The following CEBPZ variants were observed in gnomAD, a reference collection of about 807,000 sequenced individuals.
CEBPZ encodes the protein CCAAT/enhancer-binding protein zeta.
CEBPZ carries 78 observed loss-of-function variants against 104.5 expected under a neutral mutation model. The ratio of observed to expected loss-of-function variants is 0.75; its 90% CI spans 0.62 to 0.90. The LOEUF is 0.90. Among genes scored for constraint, CEBPZ ranks in the 40% least tolerant of loss-of-function variants. The pLI is 0.00. For synonymous variants in CEBPZ, 470 were observed against 427.0 expected, an observed-to-expected ratio of 1.10 and a Z score of -1.24; for missense variants, 1,439 against 1,233.5, an observed-to-expected ratio of 1.17 and a Z score of -2.50.
Position 37,216,359 on chromosome 2 carries a change from C to G in CEBPZ, c.2268G>C (p.Leu756Phe). 6.2e-7 allele frequency: 1 copy of G among 1,613,710 alleles called. No individual in the cohort carries two copies. The highest frequency in any genetic ancestry group is 8.5e-7 in the Non-Finnish European group (1 of 1,179,846). Residue 756 changes from leucine (L) to phenylalanine (F), a missense_variant, in exon 7 of 16, where the codon TTG (leucine) becomes TTC (phenylalanine). Coordinates refer to ENST00000234170, the MANE Select transcript of CEBPZ (RefSeq NM_005760.3). Reference protein sequence around the residue: ...PLQDFTLMRFLDRFVYRNPKP... With the variant: ...PLQDFTLMRFFDRFVYRNPKP... ...TTGGATTTCGGTATACAAATCGATC[C>G]AAAAATCTCATTAGAGTGAAATCCT...
Position 37,216,394 on chromosome 2 carries a change from C to G in CEBPZ, c.2233G>C (p.Asp745His). ...LQGNYIQYSGDPLQDFTLMRF... is the reference protein window; with the variant it reads ...LQGNYIQYSGHPLQDFTLMRF... ...ATTAGAGTGAAATCCTGCAGTGGGTCCCCTGAATACTGAATATAGTTTCCC... is the reference window on the plus strand; with the variant it reads ...ATTAGAGTGAAATCCTGCAGTGGGTGCCCTGAATACTGAATATAGTTTCCC... Residue 745 changes from aspartate to histidine, a missense_variant, in exon 7 of 16, where the codon GAC becomes CAC. Physicochemically the swap from Asp to His is moderately conservative, Grantham distance 81. Coordinates refer to ENST00000234170, the MANE Select transcript of CEBPZ (RefSeq NM_005760.3). 1 of 1,612,994 alleles carries G rather than the reference C, an allele frequency of 6.2e-7. No individual in the cohort carries two copies. Among genetic ancestry groups the G allele is most frequent in the Admixed American group, 1.7e-5 (1 of 59,908 alleles).
chr2:37,231,405 C>CTTA lies in CEBPZ; in HGVS notation c.156+6_156+7insTAA. On this transcript the variant is annotated splice_region_variant and intron_variant, in intron 1 of 15. Transcript: ENST00000234170. Reference sequence around the variant, plus strand: ...TGATCCCGTTCCCCGGAGCCCGCGGCCGTTACCTTGGTGCCTCCGAGCCGT... The same window carrying CTTA: ...TGATCCCGTTCCCCGGAGCCCGCGGCTTACGTTACCTTGGTGCCTCCGAGCCGT... 1 of 1,613,720 alleles carries CTTA rather than the reference C, an allele frequency of 6.2e-7. No individual in the cohort carries two copies. The highest frequency in any genetic ancestry group is 8.5e-7 in the Non-Finnish European group (1 of 1,179,930).
chr2:37,227,451 T>C, intron 2 of CEBPZ, 93 bp downstream of exon 2: 1 of 1,365,102 alleles, frequency 7.3e-7, no homozygotes, highest in East Asian at 2.4e-5. Context: ...CCAAATTTTC[T>C]AACTCTTTTT....
rs35414551 is a variant in CEBPZ at position 37,228,089 on chromosome 2, C to A, written c.1104G>T (p.Val368=). The part of the protein sequence containing the change: ...LVTTKTRALT[V]AHELLCNKPE... Reference sequence around the variant, plus strand: ...GCTTGTTACAAAGCAGCTCATGAGCCACGGTAAGGGCTCGAGTTTTAGTGG... The same window carrying A: ...GCTTGTTACAAAGCAGCTCATGAGCAACGGTAAGGGCTCGAGTTTTAGTGG... Residue 368 remains valine (V), a synonymous_variant, in exon 2 of 16, where the codon GTG becomes GTT. Transcript: ENST00000234170. The A allele has an allele frequency of 0.019, 31,388 of 1,614,182 alleles. 402 individuals are homozygous for A. The highest frequency in any genetic ancestry group is 0.024 in the Non-Finnish European group (28,388 of 1,180,030).
Position 37,211,966 on chromosome 2 carries a change from G to C in CEBPZ, c.2677C>G (p.Leu893Val), listed in dbSNP as rs998828941. 1.2e-6 allele frequency: 2 copies of C among 1,613,534 alleles called. No individual in the cohort carries two copies. The highest frequency in any genetic ancestry group is 1.1e-5 in the South Asian group (1 of 90,986). The change falls in exon 12 of 16, where the codon CTT becomes GTT. Residue 893 changes from leucine to valine, a missense_variant. By Grantham distance (32) the Leu-to-Val change is conservative. Coordinates refer to ENST00000234170, the MANE Select transcript of CEBPZ (RefSeq NM_005760.3). ...DEDSEGSDDE[L>V]GNLDDDEVSL... ...ACTTCATCGTCATCCAGGTTACCAA[G>C]TTCATCATCACTACCTTCTGAATCT...
chr2:37,211,530 T>C (rs1334030143), intron 12 of CEBPZ: 1 of 285,048 alleles, frequency 3.5e-6, no homozygotes, highest in Non-Finnish European at 6.5e-6. Flanking sequence ...GAATACTGAT[T>C]AACTTTTATA....
chr2:37,228,912 G>T lies in CEBPZ; in HGVS notation c.281C>A (p.Ala94Glu), dbSNP rs200359704. The change falls in exon 2 of 16, where the codon GCG becomes GAG. Residue 94 changes from alanine (A) to glutamate (E), a missense_variant. By Grantham distance (107) the Ala-to-Glu change is moderately radical. Transcript: ENST00000234170. Reference protein sequence around the residue: ...LEAFIQNLNLAKYTKASLVEE... With the variant: ...LEAFIQNLNLEKYTKASLVEE... ...AACTAAGGAAGCTTTTGTATACTTCGCCAAATTAAGATTTTGAATAAATGC... is the reference window on the plus strand; with the variant it reads ...AACTAAGGAAGCTTTTGTATACTTCTCCAAATTAAGATTTTGAATAAATGC... 6.2e-7 allele frequency: 1 copy of T among 1,610,298 alleles called. No individual in the cohort carries two copies. The highest frequency in any genetic ancestry group is 1.1e-5 in the South Asian group (1 of 89,734).
rs1677749717 is a variant in CEBPZ at position 37,212,371 on chromosome 2, C to G, written c.2567G>C (p.Cys856Ser). ...ELIDTFEDDN[C>S]FSSGKDDMDF... ...CATATCATCCTTTCCAGAGCTGAAA[C>G]AGTTATCATCTTCAAATGTGTCTGC... The change falls in exon 11 of 16, where the codon TGT becomes TCT. Residue 856 changes from cysteine to serine, a missense_variant. Cys to Ser is a moderately radical substitution (Grantham distance 112, BLOSUM62 -1). Coordinates refer to ENST00000234170, the MANE Select transcript of CEBPZ (RefSeq NM_005760.3). 1 of 1,613,456 alleles carries G rather than the reference C, an allele frequency of 6.2e-7. No individual in the cohort carries two copies. The highest frequency in any genetic ancestry group is 8.5e-7 in the Non-Finnish European group (1 of 1,179,686).
At position 37,228,327 on chromosome 2, in the gene CEBPZ, A is replaced by C; in HGVS notation, c.866T>G (p.Phe289Cys). The C allele has an allele frequency of 6.2e-7, 1 of 1,614,206 alleles. No homozygotes were observed. The highest frequency in any genetic ancestry group is 1.3e-5 in the African/African-American group (1 of 75,042). The change falls in exon 2 of 16, where the codon TTC becomes TGC. Residue 289 changes from phenylalanine to cysteine, a missense_variant. Physicochemically the swap from Phe to Cys is radical, Grantham distance 205 (BLOSUM62 -2). Transcript: ENST00000234170. ...AAGGTCTGTGATAAGCAACTCTTTG[A>C]AAGTATCCAAGGCCATAAGGCACTG... ...KQQCLMALDT[F>C]KELLITDLLP...
chr2:37,220,499 T>A (rs748883973), intron 4 of CEBPZ, 26 bp from the exon 5 acceptor site: 52 of 1,237,918 alleles, frequency 4.2e-5, no homozygotes, highest in Non-Finnish European at 5.7e-5. Flanking sequence ...AAAATACGAT[T>A]TCTCAAATGC....
rs760842965 is a variant in CEBPZ at position 37,231,532 on chromosome 2, G to T, written c.36C>A (p.Ala12=). 6.2e-7 allele frequency: 1 copy of T among 1,614,230 alleles called. No homozygotes were observed. The highest frequency in any genetic ancestry group is 1.1e-5 in the South Asian group (1 of 91,086). ...AAVKEPLEFH[A]KRPWRPEEAV... is the part of the protein sequence containing the mutation. The stretch of plus-strand genomic sequence containing the variant: ...CCTCCTCGGGGCGCCAAGGCCGCTT[G>T]GCATGGAACTCCAAAGGCTCCTTGA... Residue 12 remains alanine (A), a synonymous_variant, in exon 1 of 16, where the codon GCC becomes GCA. Coordinates refer to ENST00000234170, the MANE Select transcript of CEBPZ (RefSeq NM_005760.3).
At chr2:37,219,936 C>T (rs1291751320) in intron 5 of CEBPZ, among the ~76,000 whole-genome samples, 1 of 152,068 alleles carries the variant, frequency 6.6e-6, no homozygotes, top group Non-Finnish European at 1.5e-5. Flanking sequence ...TAGTATCTTC[C>T]CCCAAATGTG....
intron 4 of CEBPZ, among the ~76,000 whole-genome samples, chr2:37,222,150 G>A (rs1664784209): frequency 1.3e-5 from 2 of 152,156 alleles, no homozygotes; most frequent in South Asian, 2.1e-4. Context: ...CAGGTGTGGT[G>A]GCACATGCCT....
At chr2:37,208,698 G>C (rs1398226394) in intron 13 of CEBPZ, among the ~76,000 whole-genome samples, 2 of 152,074 alleles carry the variant, frequency 1.3e-5, no homozygotes, top group Non-Finnish European at 2.9e-5. Flanking sequence ...ACTGAACAGG[G>C]AAAAGTTGAA....
intron 15 of CEBPZ, chr2:37,202,460 C>T (rs774197779): frequency 1.6e-5 from 3 of 186,854 alleles, no homozygotes; most frequent in Non-Finnish European, 3.3e-5. Context: ...GCCTGGCCAA[C>T]ATGGTGAAAC....
chr2:37,227,618 C>A lies in CEBPZ; in HGVS notation c.1575G>T (p.Gln525His). The change falls in exon 2 of 16, where the codon CAG (glutamine) becomes CAT (histidine). Residue 525 changes from glutamine to histidine, a missense_variant. Coordinates refer to ENST00000234170, the MANE Select transcript of CEBPZ (RefSeq NM_005760.3). Reference sequence around the variant, plus strand: ...TTACTTGGAAAAGCAACATTAAAGCCTGGACACTGGTATTAAAATTCACAA... The same window carrying A: ...TTACTTGGAAAAGCAACATTAAAGCATGGACACTGGTATTAAAATTCACAA... ...LHIVNFNTSV[Q>H]ALMLLFQVMN... is the part of the protein sequence containing the mutation. 6.2e-7 allele frequency: 1 copy of A among 1,614,062 alleles called. No homozygotes were observed. The highest frequency in any genetic ancestry group is 1.7e-5 in the Admixed American group (1 of 59,994).
intron 2 of CEBPZ, 41 bp from the exon 3 acceptor site, chr2:37,223,442 C>T (rs1334185215): frequency 6.5e-7 from 1 of 1,534,272 alleles, no homozygotes; most frequent in African/African-American, 1.4e-5. Flanking sequence ...TGTATAAAAC[C>T]ATCTCCACAA....
At position 37,223,229 on chromosome 2, in the gene CEBPZ, G is replaced by C. The variant is rs1257373992; in HGVS notation, c.1822C>G (p.Leu608Val). 6 of 1,613,982 alleles carry C rather than the reference G, an allele frequency of 3.7e-6. No individual in the cohort carries two copies. Among genetic ancestry groups the C allele is most frequent in the Non-Finnish European group, 5.1e-6 (6 of 1,180,000 alleles). The change falls in exon 3 of 16, where the codon CTT (leucine) becomes GTT (valine). Residue 608 changes from leucine to valine, a missense_variant. By Grantham distance (32) the Leu-to-Val change is conservative. Transcript: ENST00000234170. ...MPPFICGALY[L>V]VSEILKAKPG... is the part of the protein sequence containing the mutation. The stretch of plus-strand genomic sequence containing the variant: ...TTTGCTTTAAGGATCTCAGACACAA[G>C]ATATAAAGCTCCACATATAAATGGT...
chr2:37,218,565 A>G (rs1450997031), intron 5 of CEBPZ, among the ~76,000 whole-genome samples: 1 of 152,198 alleles, frequency 6.6e-6, no homozygotes, highest in African/African-American at 2.4e-5. Context: ...CTTGCTACTT[A>G]AAATTATTTG....
Sources: allele counts gnomAD v4.1 joint callset (sites outside exome capture counted in the v4.1 genomes callset), GRCh38; gene constraint gnomAD v4.1.1; transcripts MANE v1.5; gene names NCBI Gene and HGNC (gene_info 2026-07-23, HGNC 2026-07-21).